The following EYS variants were observed in gnomAD, a reference collection of about 807,000 sequenced individuals.
EYS encodes the protein EGF-like photoreceptor maintenance factor, also known as protein eyes shut homolog.
Under a neutral mutation model 282.1 loss-of-function variants are expected in EYS, and 250 were observed. The ratio of observed to expected loss-of-function variants is 0.89; its 90% CI spans 0.80 to 0.98. EYS has a LOEUF of 0.98. Ranked by LOEUF, EYS falls within the 50% of genes least tolerant of loss-of-function variation. The pLI is 0.00. For synonymous variants in EYS, 1,355 were observed against 1,282.9 expected (o/e 1.06, Z -1.20); for missense variants, 4,016 against 3,709.0 (o/e 1.08, Z -2.15).
At chr6:64,883,510 CT>C (rs137882686) in intron 19 of EYS, among the ~76,000 whole-genome samples, 23,348 of 151,050 alleles carry the variant, frequency 0.15, 2,118 homozygotes, top group East Asian at 0.49. Flanking sequence ...ATTTAAAGTC[CT>C]TAAGCACAAG....
At chr6:65,378,779 C>A (rs1030539397) in intron 8 of EYS, among the ~76,000 whole-genome samples, 1 of 151,484 alleles carries the variant, frequency 6.6e-6, no homozygotes, top group Non-Finnish European at 1.5e-5. Context: ...CAAACTAACA[C>A]AGGAACATAA....
chr6:65,383,658 A>G (rs1200425820), intron 8 of EYS, among the ~76,000 whole-genome samples: 2 of 151,248 alleles, frequency 1.3e-5, no homozygotes, highest in Non-Finnish European at 3.0e-5. Context: ...TCTCCCATCT[A>G]CCTCCCTATA....
chr6:64,057,111 A>G (rs1463266700), intron 33 of EYS, among the ~76,000 whole-genome samples: 1 of 152,186 alleles, frequency 6.6e-6, no homozygotes, highest in South Asian at 2.1e-4. Flanking sequence ...TCTTTGTTCT[A>G]TATTTATTGA....
intron 12 of EYS, among the ~76,000 whole-genome samples, chr6:65,122,703 GAA>G (rs1300020277): frequency 1.3e-5 from 2 of 151,834 alleles, no homozygotes; most frequent in African/African-American, 4.8e-5. Context: ...TAAAAAGTGA[GAA>G]AAAATATAAT....
At chr6:65,085,054 G>C (rs1289259476) in intron 12 of EYS, among the ~76,000 whole-genome samples, 3 of 152,012 alleles carry the variant, frequency 2.0e-5, no homozygotes, top group South Asian at 2.1e-4. Flanking sequence ...TTTTAGTCTG[G>C]GAATCTAGGT....
At chr6:64,456,635 AG>A (rs989755153) in intron 26 of EYS, among the ~76,000 whole-genome samples, 2 of 152,058 alleles carry the variant, frequency 1.3e-5, no homozygotes, top group Non-Finnish European at 2.9e-5. Flanking sequence ...TGAAATAGAA[AG>A]TTATTGCAAC....
At chr6:64,764,669 G>A (rs141639303) in intron 22 of EYS, among the ~76,000 whole-genome samples, 198 of 152,304 alleles carry the variant, frequency 1.3e-3, no homozygotes, top group African/African-American at 4.3e-3. Context: ...AGGAAATGGG[G>A]TTTTCTTTTC....
rs4710498 is a variant in EYS, at chr6:64,851,726, T to A, written c.2993-28904A>T. ...AAACCAAATATTGCATGTTCTTACTTGTAAGTGGGAGCTAAATGATGAGAA... is the reference window on the plus strand; with the variant it reads ...AAACCAAATATTGCATGTTCTTACTAGTAAGTGGGAGCTAAATGATGAGAA... On this transcript the variant is annotated intron_variant, in intron 19 of 42. Coordinates refer to ENST00000503581, the MANE Select transcript of EYS (RefSeq NM_001142800.2). 7.0e-3 allele frequency among the ~76,000 whole-genome samples: 1,070 copies of A among 152,198 alleles called. 18 individuals carry two copies. The highest frequency in any genetic ancestry group is 0.036 in the Admixed American group (547 of 15,254).
intron 31 of EYS, 42 bp downstream of exon 31, chr6:64,230,550 G>GT (rs1391590028): frequency 7.6e-6 from 11 of 1,440,160 alleles, no homozygotes; most frequent in East Asian, 5.0e-5. Flanking sequence ...CTCTGGAGAG[G>GT]TTTTTAAAAA....
intron 22 of EYS, among the ~76,000 whole-genome samples, chr6:64,776,651 C>T (rs1055540686): frequency 5.3e-5 from 8 of 151,982 alleles, no homozygotes; most frequent in Non-Finnish European, 1.2e-4. Flanking sequence ...GAGCTCATCA[C>T]ATGTCTCATC....
rs145538712 is a variant in EYS at position 63,837,198 on chromosome 6, T to C, written c.7228+26988A>G. On this transcript the variant is annotated intron_variant, in intron 36 of 42. Coordinates refer to ENST00000503581, the MANE Select transcript of EYS (RefSeq NM_001142800.2). ...GTGATTCCTAGAGCTGTAACTTTTA[T>C]AGTGACAATGGTGACTTTGTTTTCT... 2.7e-4 allele frequency among the ~76,000 whole-genome samples: 41 copies of C among 152,234 alleles called. No individual in the cohort carries two copies. The East Asian group carries it at 6.9e-3, about 26-fold the overall frequency.
At chr6:64,433,469 C>T (rs1183540973) in intron 28 of EYS, among the ~76,000 whole-genome samples, 1 of 151,864 alleles carries the variant, frequency 6.6e-6, no homozygotes, top group Non-Finnish European at 1.5e-5. Context: ...CACTTTTGTA[C>T]TTTATAGATG....
intron 13 of EYS, among the ~76,000 whole-genome samples, chr6:65,020,662 T>C (rs1772223211): frequency 6.6e-6 from 1 of 152,188 alleles, no homozygotes; most frequent in South Asian, 2.1e-4. Context: ...TAGGCAGTGC[T>C]CCAGTGGGGA....
chr6:64,125,781 G>A (rs1169016297), intron 31 of EYS, among the ~76,000 whole-genome samples: 2 of 103,796 alleles, frequency 1.9e-5, no homozygotes, highest in South Asian at 6.2e-4. Flanking sequence ...GCAAGACTCC[G>A]TCTCAAAAAA....
chr6:64,873,394 C>G (rs889840194), intron 19 of EYS, among the ~76,000 whole-genome samples: 1 of 152,000 alleles, frequency 6.6e-6, no homozygotes, highest in African/African-American at 2.4e-5. Flanking sequence ...CAAATCATAT[C>G]AAGCAGTGAA....
At chr6:64,170,118 A>G (rs1004413774) in intron 31 of EYS, among the ~76,000 whole-genome samples, 1 of 152,142 alleles carries the variant, frequency 6.6e-6, no homozygotes, top group Admixed American at 6.5e-5. Context: ...ACAGGTGCTG[A>G]TCTTACCTGC....
intron 11 of EYS, among the ~76,000 whole-genome samples, chr6:65,313,435 T>C (rs1216228045): frequency 6.6e-6 from 1 of 151,794 alleles, no homozygotes; most frequent in Non-Finnish European, 1.5e-5. Context: ...GGGTGTCCTT[T>C]AGGCATCTCA....
At chr6:65,335,905 G>A (rs1006568715) in intron 10 of EYS, among the ~76,000 whole-genome samples, 11 of 151,630 alleles carry the variant, frequency 7.3e-5, no homozygotes, top group Admixed American at 2.0e-4. Flanking sequence ...GGGGCCTGAT[G>A]GGAGATGATT....
intron 14 of EYS, among the ~76,000 whole-genome samples, chr6:64,951,112 G>A (rs991284761): frequency 2.0e-5 from 3 of 151,576 alleles, no homozygotes; most frequent in African/African-American, 7.3e-5. Context: ...AATTTGATCA[G>A]CCCTATTCTA....
Sources: gnomAD v4.1 joint callset for allele counts (sites outside exome capture counted in the v4.1 genomes callset) on GRCh38, gnomAD v4.1.1 for gene constraint, MANE v1.5 for transcripts, NCBI Gene and HGNC (gene_info 2026-07-23, HGNC 2026-07-21) for gene names.